The following CDH12 variants were observed in gnomAD, a reference collection of about 807,000 sequenced individuals.
CDH12 encodes the protein cadherin-12.
A neutral mutation model predicts 74.1 loss-of-function variants in CDH12; 41 were observed. The observed-to-expected ratio is 0.55, with a 90% CI of 0.43 to 0.72. The LOEUF is 0.72. CDH12 is among the 30% of genes least tolerant of loss of function. The probability of loss-of-function intolerance (pLI) is 0.00; values close to 1 mark genes in which losing one functional copy is unlikely to be tolerated. For missense variants in CDH12, 945 were observed against 977.2 expected (o/e 0.97, Z 0.44); for synonymous variants, 399 against 355.0 (o/e 1.12, Z -1.39).
intron 5 of CDH12, among the ~76,000 whole-genome samples, chr5:22,059,649 T>A (rs1489010277): frequency 6.6e-6 from 1 of 152,174 alleles, no homozygotes; most frequent in Non-Finnish European, 1.5e-5. Flanking sequence ...ACAACATTTT[T>A]AATTATCTCA....
intron 3 of CDH12, among the ~76,000 whole-genome samples, chr5:22,363,132 G>A (rs1740890192): frequency 6.6e-6 from 1 of 151,856 alleles, no homozygotes; most frequent in South Asian, 2.1e-4. Flanking sequence ...GTGTATATTA[G>A]ACATATATTT....
intron 4 of CDH12, among the ~76,000 whole-genome samples, chr5:22,088,908 C>T (rs1303738957): frequency 6.6e-6 from 1 of 152,144 alleles, no homozygotes; most frequent in Non-Finnish European, 1.5e-5. Context: ...AAACACAAAA[C>T]TTTTGATGTG....
chr5:22,250,421 G>A (rs893522599), intron 3 of CDH12, among the ~76,000 whole-genome samples: 3 of 152,150 alleles, frequency 2.0e-5, no homozygotes, highest in African/African-American at 4.8e-5. Context: ...AGCTGGGGCT[G>A]TGATCAGAAT....
intron 10 of CDH12, among the ~76,000 whole-genome samples, chr5:21,787,409 GTTTTTGT>G (rs547652125): frequency 2.5e-5 from 2 of 78,724 alleles, no homozygotes; most frequent in African/African-American, 6.7e-5. Flanking sequence ...TCAATGTTTT[GTTTTTGT>G]TTTTTGTTTT....
At chr5:22,529,425 C>G (rs899476798) in intron 1 of CDH12, among the ~76,000 whole-genome samples, 1 of 151,796 alleles carries the variant, frequency 6.6e-6, no homozygotes, top group African/African-American at 2.4e-5. Flanking sequence ...CCAGAAAGAG[C>G]TAATGTTCCC....
intron 5 of CDH12, among the ~76,000 whole-genome samples, chr5:22,062,232 T>C (rs1298266212): frequency 1.3e-5 from 2 of 152,126 alleles, no homozygotes; most frequent in Admixed American, 6.6e-5. Context: ...ATGAAATAAC[T>C]AGCATATTAT....
chr5:22,681,897 A>T (rs1429876305), intron 1 of CDH12, among the ~76,000 whole-genome samples: 1 of 152,072 alleles, frequency 6.6e-6, no homozygotes, highest in African/African-American at 2.4e-5. Flanking sequence ...TACTTATAAT[A>T]GTTATCTTTC....
At chr5:22,326,913 T>C (rs1433809036) in intron 3 of CDH12, among the ~76,000 whole-genome samples, 1 of 152,242 alleles carries the variant, frequency 6.6e-6, no homozygotes, top group African/African-American at 2.4e-5. Context: ...AATATTTTTA[T>C]CTATGCTAGA....
At chr5:22,257,454 C>A (rs184976470) in intron 3 of CDH12, among the ~76,000 whole-genome samples, 9 of 150,600 alleles carry the variant, frequency 6.0e-5, no homozygotes, top group Non-Finnish European at 1.2e-4. Context: ...CCCATTTATG[C>A]CTGAGGTTGC....
chr5:22,587,925 T>C (rs1295360131), intron 1 of CDH12, among the ~76,000 whole-genome samples: 2 of 148,316 alleles, frequency 1.3e-5, no homozygotes, highest in South Asian at 2.1e-4. Context: ...ATAATATATA[T>C]AGATTTATAT....
intron 1 of CDH12, among the ~76,000 whole-genome samples, chr5:22,559,016 G>A (rs1441234115): frequency 6.6e-6 from 1 of 152,080 alleles, no homozygotes; most frequent in Admixed American, 6.6e-5. Context: ...TTAAGTAAGT[G>A]ACTTTCACAG....
chr5:21,952,039 A>G (rs1460359439), intron 6 of CDH12, among the ~76,000 whole-genome samples: 1 of 152,192 alleles, frequency 6.6e-6, no homozygotes, highest in Non-Finnish European at 1.5e-5. Context: ...TTTCATTATT[A>G]TTATTCTACT....
At chr5:22,597,671 A>T (rs1198104512) in intron 1 of CDH12, among the ~76,000 whole-genome samples, 1 of 152,200 alleles carries the variant, frequency 6.6e-6, no homozygotes, top group African/African-American at 2.4e-5. Flanking sequence ...AACATCTAGA[A>T]GTGTGCCTTA....
At chr5:22,198,150 G>C (rs960855344) in intron 4 of CDH12, among the ~76,000 whole-genome samples, 2 of 152,074 alleles carry the variant, frequency 1.3e-5, no homozygotes, top group Non-Finnish European at 2.9e-5. Flanking sequence ...TGTGCGTCTG[G>C]GTGAATGTCT....
chr5:22,513,404 T>C (rs138551978), intron 1 of CDH12, among the ~76,000 whole-genome samples: 21 of 152,178 alleles, frequency 1.4e-4, no homozygotes, highest in Admixed American at 9.2e-4. Context: ...ACAGCTTTTC[T>C]CCCACAAGCA....
chr5:22,313,133 A>C (rs1027125123), intron 3 of CDH12, among the ~76,000 whole-genome samples: 1 of 152,150 alleles, frequency 6.6e-6, no homozygotes, highest in East Asian at 1.9e-4. Flanking sequence ...CCCTTGGTGG[A>C]GAAGGGTAGA....
intron 1 of CDH12, among the ~76,000 whole-genome samples, chr5:22,537,329 T>C (rs1033695372): frequency 2.6e-5 from 4 of 152,198 alleles, no homozygotes; most frequent in South Asian, 2.1e-4. Context: ...AGGAGACAGC[T>C]TAACTCTAAA....
chr5:22,475,487 A>G (rs538965327), intron 2 of CDH12, among the ~76,000 whole-genome samples: 16 of 152,028 alleles, frequency 1.1e-4, no homozygotes, highest in South Asian at 2.1e-4. Flanking sequence ...CTATATTAAT[A>G]TAAATACATT....
At chr5:22,718,600 C>T (rs1156541823) in intron 1 of CDH12, among the ~76,000 whole-genome samples, 1 of 152,160 alleles carries the variant, frequency 6.6e-6, no homozygotes, top group Non-Finnish European at 1.5e-5. Context: ...ACATTGCCCA[C>T]TGTGTAGTAT....
Sources: gnomAD v4.1 joint callset for allele counts (sites outside exome capture counted in the v4.1 genomes callset) on GRCh38, gnomAD v4.1.1 for gene constraint, MANE v1.5 for transcripts, NCBI Gene and HGNC (gene_info 2026-07-23, HGNC 2026-07-21) for gene names.